The following STRA6 variants were observed in gnomAD, a reference collection of about 807,000 sequenced individuals.
STRA6 encodes the protein receptor for retinol uptake STRA6.
STRA6 carries 48 observed loss-of-function variants against 83.6 expected under a neutral mutation model. The observed-to-expected ratio is 0.57, with a 90% CI of 0.46 to 0.73. The LOEUF is 0.73. Ranked by LOEUF, STRA6 falls within the 30% of genes least tolerant of loss-of-function variation. The probability of loss-of-function intolerance (pLI) is 0.00; values close to 1 mark genes in which losing one functional copy is unlikely to be tolerated. For synonymous variants in STRA6, 353 were observed against 362.3 expected (o/e 0.97, Z 0.29); for missense variants, 760 against 838.8 (o/e 0.91, Z 1.16).
At chr15:74,208,511 G>A (rs1311110228) in intron 1 of STRA6, among the ~76,000 whole-genome samples, 2 of 152,064 alleles carry the variant, frequency 1.3e-5, no homozygotes, top group African/African-American at 4.8e-5. Context: ...ACAGGACAGG[G>A]CTCTCCACCA....
chr15:74,186,445 TAA>T (rs1328410521), intron 12 of STRA6, among the ~76,000 whole-genome samples: 1 of 152,166 alleles, frequency 6.6e-6, no homozygotes, highest in East Asian at 1.9e-4. Flanking sequence ...CCGTCTCTAC[TAA>T]AAATACAAAA....
chr15:74,206,996 G>A (rs1319448381), upstream of STRA6, among the ~76,000 whole-genome samples: 2 of 152,240 alleles, frequency 1.3e-5, no homozygotes, highest in Non-Finnish European at 2.9e-5. Flanking sequence ...CTCTGAGCCA[G>A]TGAAGGCCAT....
intron 5 of STRA6, 113 bp downstream of exon 5, chr15:74,195,895 C>A: frequency 6.9e-7 from 1 of 1,458,462 alleles, no homozygotes; most frequent in Admixed American, 1.9e-5. Flanking sequence ...CAGCCCATCT[C>A]ATTGACAGCT....
chr15:74,208,131 G>A, intron 1 of STRA6: 1 of 993,778 alleles, frequency 1.0e-6, no homozygotes, highest in Non-Finnish European at 1.3e-6. Context: ...CTGTGCCAGG[G>A]GAGCAGCATG....
intron 11 of STRA6, 60 bp downstream of exon 11, chr15:74,190,780 G>C (rs1567186634): frequency 6.2e-7 from 1 of 1,612,962 alleles, no homozygotes; most frequent in Admixed American, 1.7e-5. Flanking sequence ...AACTGCTCCA[G>C]GCTTGGGGGT....
At chr15:74,184,697 G>C (rs563060066) in intron 13 of STRA6, among the ~76,000 whole-genome samples, 3 of 152,228 alleles carry the variant, frequency 2.0e-5, no homozygotes, top group African/African-American at 7.2e-5. Context: ...CAGCCCACCC[G>C]GTGGCCCCTA....
upstream of STRA6, chr15:74,209,225 AC>A: frequency 3.7e-6 from 4 of 1,085,836 alleles, no homozygotes; most frequent in South Asian, 4.6e-5. Flanking sequence ...GCCTCTCCAC[AC>A]CCCCAAACCG....
intron 7 of STRA6, 143 bp from the exon 8 acceptor site, chr15:74,194,065 ACCTGCCACC>A (rs1411486188): frequency 2.4e-5 from 33 of 1,367,962 alleles, no homozygotes; most frequent in Non-Finnish European, 3.3e-5. Flanking sequence ...ATGGTTCCCA[ACCTGCCACC>A]CAGCGCAAAC....
chr15:74,183,539 C>T, intron 14 of STRA6: 1 of 1,211,412 alleles, frequency 8.3e-7, no homozygotes, highest in Non-Finnish European at 1.0e-6. Flanking sequence ...CCACTGAGCC[C>T]AGCCAGGAAT....
intron 7 of STRA6, chr15:74,194,733 G>T: frequency 8.1e-7 from 1 of 1,228,660 alleles, no homozygotes; most frequent in Non-Finnish European, 1.0e-6. Flanking sequence ...ATATGTTGTT[G>T]AATGAATGGG....
Position 74,190,904 on chromosome 15 carries a change from G to A in STRA6, c.866-3C>T, listed in dbSNP as rs1265149781. ...CAGCTTCAGCGGGAGATGGAATCCT[G>A]TAGTCCTCAAAGGAAGGAGTATGGT... On this transcript the variant is annotated splice_polypyrimidine_tract_variant and splice_region_variant and intron_variant, in intron 10 of 18. Coordinates refer to ENST00000395105, the MANE Select transcript of STRA6 (RefSeq NM_022369.4). 1.2e-6 allele frequency: 2 copies of A among 1,614,136 alleles called. No individual in the cohort carries two copies. Among genetic ancestry groups the A allele is most frequent in the Non-Finnish European group, 1.7e-6 (2 of 1,180,028 alleles).
intron 13 of STRA6, among the ~76,000 whole-genome samples, chr15:74,184,771 G>A (rs989660190): frequency 2.0e-5 from 3 of 152,212 alleles, no homozygotes; most frequent in Admixed American, 2.0e-4. Context: ...CACACTCACA[G>A]ACGTTTCCCC....
At chr15:74,199,498 C>T (rs757792313) in intron 2 of STRA6, among the ~76,000 whole-genome samples, 14 of 152,186 alleles carry the variant, frequency 9.2e-5, no homozygotes, top group Admixed American at 5.2e-4. Flanking sequence ...GGCATCTCCC[C>T]GCATGACTAG....
At position 74,180,045 on chromosome 15, in the gene STRA6, G is replaced by A. The variant is rs769012146; in HGVS notation, c.*35C>T. ...GGATGGTAGGCAGGAACATGCCTCA[G>A]CACAGATGGGCAGGTGGGTTGACCT... On this transcript the variant is annotated 3_prime_UTR_variant, in exon 19 of 19. Coordinates refer to ENST00000395105, the MANE Select transcript of STRA6 (RefSeq NM_022369.4). 6.2e-7 allele frequency: 1 copy of A among 1,606,332 alleles called. No homozygotes were observed. The highest frequency in any genetic ancestry group is 1.3e-5 in the African/African-American group (1 of 74,776).
chr15:74,191,281 GAA>G, intron 9 of STRA6, 38 bp from the exon 10 acceptor site: 1 of 1,611,836 alleles, frequency 6.2e-7, no homozygotes, highest in Non-Finnish European at 8.5e-7. Flanking sequence ...GTCCTCAGGG[GAA>G]GCCCATTCCC....
intron 7 of STRA6, chr15:74,194,809 C>T: frequency 7.7e-7 from 1 of 1,303,360 alleles, no homozygotes. Flanking sequence ...AAGCCTGTAC[C>T]ATCACTCTTT....
chr15:74,180,861 C>T lies in STRA6; in HGVS notation c.1761G>A (p.Leu587=). The T allele has an allele frequency of 6.2e-7, 1 of 1,614,084 alleles. No individual in the cohort carries two copies. Reference sequence around the variant, plus strand: ...GTAGGAGGCTCTGCGCTTGCAGGAGCAGGGAGCAGAAGGCTGTCATGGCTG... The same window carrying T: ...GTAGGAGGCTCTGCGCTTGCAGGAGTAGGGAGCAGAAGGCTGTCATGGCTG... The part of the protein sequence containing the change: ...SHPAMTAFCS[L]LLQAQSLLPR... Residue 587 remains leucine, a synonymous_variant, in exon 18 of 19, where the codon CTG becomes CTA. Transcript: ENST00000395105.
chr15:74,210,601 CT>C (rs1402780556), upstream of STRA6, among the ~76,000 whole-genome samples: 1 of 152,192 alleles, frequency 6.6e-6, no homozygotes, highest in Non-Finnish European at 1.5e-5. Flanking sequence ...GGATTTTTCA[CT>C]TGTTTGAAAT....
In STRA6 at chr15:74,182,244, C is replaced by T; in HGVS notation, c.1437G>A (p.Leu479=). Residue 479 remains leucine, a synonymous_variant, in exon 16 of 19, where the codon TTG becomes TTA. Transcript: ENST00000395105. ...TGTTCTGCAGGATCACAGCCAGGGC[C>T]AAAGTCAGCCAGAAGGGCCTGCCAG... is the stretch of plus-strand genomic sequence containing the variant. ...LESSWPFWLT[L]ALAVILQNMA... is the part of the protein sequence containing the mutation. The T allele has an allele frequency of 6.2e-7, 1 of 1,614,144 alleles. No individual in the cohort carries two copies.
Sources: allele counts gnomAD v4.1 joint callset (sites outside exome capture counted in the v4.1 genomes callset), GRCh38; gene constraint gnomAD v4.1.1; transcripts MANE v1.5; gene names NCBI Gene and HGNC (gene_info 2026-07-23, HGNC 2026-07-21).